The following SNX29 variants were observed in gnomAD, a reference collection of about 807,000 sequenced individuals.
The protein encoded by SNX29 is sorting nexin 29.
In SNX29, 78 loss-of-function variants were observed where a neutral mutation model predicts 102.1. The observed-to-expected ratio is 0.76, with a 90% CI of 0.64 to 0.92. The LOEUF (loss-of-function observed/expected upper bound fraction) is 0.92, where lower values mean the gene tolerates loss of function less well. SNX29 is among the 40% of genes least tolerant of loss of function. SNX29 has a pLI of 0.00. For missense variants in SNX29, 1,280 were observed against 1,061.7 expected (o/e 1.21, Z -2.86); for synonymous variants, 580 against 414.5 (o/e 1.40, Z -4.85).
chr16:12,568,619 G>T lies in SNX29; in HGVS notation c.2432G>T (p.Gly811Val). 1 of 1,603,622 alleles carries T rather than the reference G, an allele frequency of 6.2e-7. No homozygotes were observed. Residue 811 changes from glycine to valine, a missense_variant, in exon 21 of 21, where the codon GGT (glycine) becomes GTT (valine). Coordinates refer to ENST00000566228, the MANE Select transcript of SNX29 (RefSeq NM_032167.5). Reference sequence around the variant, plus strand: ...ACCCGCAACGTGGAGCCCCAGAGCGGTGACCTCTGACCTCGACAAAACCGC... The same window carrying T: ...ACCCGCAACGTGGAGCCCCAGAGCGTTGACCTCTGACCTCGACAAAACCGC... ...RETRNVEPQS[G>V]DL
intron 3 of SNX29, among the ~76,000 whole-genome samples, chr16:12,004,361 A>G (rs2056387043): frequency 6.6e-6 from 1 of 152,168 alleles, no homozygotes; most frequent in African/African-American, 2.4e-5. Flanking sequence ...AAAAATTCCT[A>G]AAAATGGCCA....
At chr16:12,350,697 C>T (rs2081969564) in intron 15 of SNX29, among the ~76,000 whole-genome samples, 1 of 152,206 alleles carries the variant, frequency 6.6e-6, no homozygotes. Context: ...AATGGCCCAA[C>T]TGCCGTTCAA....
At position 12,403,453 on chromosome 16, in the gene SNX29, A is replaced by AC; in HGVS notation, c.1963dup (p.Arg655ProfsTer34). ...TCTCTCTTCCTTTTGGTTAGATCAA[A>AC]CCGGGCGCTGATCAACGTCTGGATC... On this transcript the variant is annotated frameshift_variant, in exon 18 of 21. Coordinates refer to ENST00000566228, the MANE Select transcript of SNX29 (RefSeq NM_032167.5). LOFTEE classifies it high-confidence loss of function. 6.2e-7 allele frequency: 1 copy of AC among 1,606,412 alleles called. No individual in the cohort carries two copies. The highest frequency in any genetic ancestry group is 1.7e-4 in the Middle Eastern group (1 of 6,056).
chr16:12,488,363 G>C lies in SNX29; in HGVS notation c.2178+10504G>C, dbSNP rs1263097771. Among the ~76,000 whole-genome samples the C allele has an allele frequency of 2.3e-4, 35 of 151,940 alleles. 1 individual carries two copies. Among genetic ancestry groups the C allele is most frequent in the Admixed American group, 2.2e-3 (34 of 15,250 alleles). Reference sequence around the variant, plus strand: ...AAGTCTTCCCTGACTTCAAAAACATGAGCCGCCCTTCCCTGGGTTCATTTC... The same window carrying C: ...AAGTCTTCCCTGACTTCAAAAACATCAGCCGCCCTTCCCTGGGTTCATTTC... On this transcript the variant is annotated intron_variant, in intron 19 of 20. Coordinates refer to ENST00000566228, the MANE Select transcript of SNX29 (RefSeq NM_032167.5).
chr16:12,075,183 C>A (rs1033459462), intron 10 of SNX29, among the ~76,000 whole-genome samples: 3 of 152,210 alleles, frequency 2.0e-5, no homozygotes, highest in African/African-American at 7.2e-5. Context: ...CATTCTCCGT[C>A]CAGCTTTGTT....
In SNX29 at chr16:12,267,708, G is replaced by T. The variant is rs144375098; in HGVS notation, c.1679-10225G>T. On this transcript the variant is annotated intron_variant, in intron 14 of 20. Transcript: ENST00000566228. ...AGGCTGTTGGGTAACCGCATTCCTC[G>T]CAATGGAACGGCAAGTTATCTTTTG... is the stretch of plus-strand genomic sequence containing the variant. Among the ~76,000 whole-genome samples the T allele has an allele frequency of 7.9e-5, 12 of 152,258 alleles. No homozygotes were observed. The East Asian group carries it at 1.9e-3, about 25-fold the overall frequency.
At chr16:12,438,691 A>G (rs1180611547) in intron 18 of SNX29, among the ~76,000 whole-genome samples, 1 of 152,214 alleles carries the variant, frequency 6.6e-6, no homozygotes, top group Non-Finnish European at 1.5e-5. Context: ...TGAAGAAATG[A>G]CCATAATCAT....
At chr16:12,246,105 A>G (rs2078252991) in intron 14 of SNX29, among the ~76,000 whole-genome samples, 2 of 152,206 alleles carry the variant, frequency 1.3e-5, no homozygotes. Context: ...CACATAAAGC[A>G]CAGGTGATGA....
intron 15 of SNX29, among the ~76,000 whole-genome samples, chr16:12,284,137 G>A (rs1176212029): frequency 3.9e-5 from 6 of 152,260 alleles, no homozygotes; most frequent in African/African-American, 9.6e-5. Flanking sequence ...TCACAACAAT[G>A]TGAAGTGTTG....
At chr16:12,292,887 C>T (rs902877384) in intron 15 of SNX29, among the ~76,000 whole-genome samples, 12 of 152,310 alleles carry the variant, frequency 7.9e-5, no homozygotes, top group African/African-American at 2.9e-4. Flanking sequence ...ATTTTACTAA[C>T]CTTGTTTAAG....
chr16:12,554,590 C>G (rs766344029), intron 20 of SNX29, among the ~76,000 whole-genome samples: 2 of 152,176 alleles, frequency 1.3e-5, no homozygotes, highest in Non-Finnish European at 2.9e-5. Context: ...AGACTTGGAG[C>G]TCCCAAGCCA....
intron 15 of SNX29, among the ~76,000 whole-genome samples, chr16:12,322,431 G>T (rs539231812): frequency 4.7e-4 from 71 of 152,308 alleles, no homozygotes; most frequent in Non-Finnish European, 8.5e-4. Flanking sequence ...TCTAGTCCTG[G>T]ATTTGAGAAA....
At chr16:12,364,157 TTGTTTGTTATGTTA>T (rs1359609101) in intron 16 of SNX29, among the ~76,000 whole-genome samples, 4 of 146,398 alleles carry the variant, frequency 2.7e-5, no homozygotes, top group Non-Finnish European at 4.5e-5. Flanking sequence ...CAAGCCTGGC[TTGTTTGTTATGTTA>T]TGTTATGTTA....
At chr16:12,010,902 C>T (rs1037778598) in intron 3 of SNX29, among the ~76,000 whole-genome samples, 6 of 152,092 alleles carry the variant, frequency 3.9e-5, no homozygotes, top group Admixed American at 6.6e-5. Context: ...ACTTACGAAA[C>T]GGAATGGCTT....
intron 20 of SNX29, among the ~76,000 whole-genome samples, chr16:12,547,219 G>A (rs1469765679): frequency 6.6e-6 from 1 of 152,192 alleles, no homozygotes; most frequent in East Asian, 1.9e-4. Context: ...GGAGACCTGA[G>A]GCAGGGAGCC....
At chr16:12,374,589 C>A (rs926290392) in intron 16 of SNX29, 1 of 152,182 alleles carries the variant, frequency 6.6e-6, no homozygotes, top group South Asian at 2.1e-4. Context: ...CTGGTGAGGT[C>A]TGAGGTTGAT....
intron 15 of SNX29, among the ~76,000 whole-genome samples, chr16:12,337,947 A>C (rs1283838313): frequency 6.6e-6 from 1 of 152,178 alleles, no homozygotes; most frequent in Non-Finnish European, 1.5e-5. Context: ...TGGCCCTCTC[A>C]CAGCCGCTTC....
At chr16:12,214,561 C>T (rs114591345) in intron 14 of SNX29, among the ~76,000 whole-genome samples, 81 of 152,076 alleles carry the variant, frequency 5.3e-4, no homozygotes, top group African/African-American at 1.9e-3. Flanking sequence ...TTGAGAGTGA[C>T]TTGCCTGAAT....
At chr16:12,435,044 G>A (rs2085476674) in intron 18 of SNX29, among the ~76,000 whole-genome samples, 1 of 151,762 alleles carries the variant, frequency 6.6e-6, no homozygotes, top group African/African-American at 2.4e-5. Flanking sequence ...TATACCAGGA[G>A]CTTGACCTTG....
Sources: allele counts gnomAD v4.1 joint callset (sites outside exome capture counted in the v4.1 genomes callset), GRCh38; gene constraint gnomAD v4.1.1; transcripts MANE v1.5; gene names NCBI Gene and HGNC (gene_info 2026-07-23, HGNC 2026-07-21).